The following FRYL variants were observed in gnomAD, a reference collection of about 807,000 sequenced individuals.
The protein encoded by FRYL is protein furry homolog-like.
FRYL carries 150 observed loss-of-function variants against 351.2 expected under a neutral mutation model. The observed-to-expected ratio is 0.43, with a 90% CI of 0.37 to 0.49. FRYL has a LOEUF of 0.49. FRYL is among the 20% of genes least tolerant of loss of function. The pLI, the probability that FRYL is intolerant of heterozygous loss-of-function variation, is 0.00. For synonymous variants in FRYL, 1,153 were observed against 1,257.1 expected, an observed-to-expected ratio of 0.92 and a Z score of 1.75; for missense variants, 3,036 against 3,619.3, an observed-to-expected ratio of 0.84 and a Z score of 4.13.
chr4:48,696,383 T>G (rs1766165139), intron 2 of FRYL, among the ~76,000 whole-genome samples: 1 of 152,168 alleles, frequency 6.6e-6, no homozygotes, highest in African/African-American at 2.4e-5. Flanking sequence ...TGTGGGGACA[T>G]GGATGAAGCT....
intron 47 of FRYL, among the ~76,000 whole-genome samples, chr4:48,538,307 C>T (rs1383016685): frequency 1.3e-4 from 2 of 15,086 alleles, no homozygotes; most frequent in African/African-American, 1.2e-4. Flanking sequence ...TTTTAAAATA[C>T]ATGCTTTTAG....
At position 48,534,410 on chromosome 4, in the gene FRYL, T is replaced by G; in HGVS notation, c.6705+135A>C. On this transcript the variant is annotated intron_variant, in intron 49 of 63. Coordinates refer to ENST00000358350, the MANE Select transcript of FRYL (RefSeq NM_015030.2). The stretch of plus-strand genomic sequence containing the variant: ...CTTACATTGAGAACATTTTCCATAC[T>G]GCAAATATCCTGAAAACACGATTTA... 4 of 688,970 alleles carry G rather than the reference T, an allele frequency of 5.8e-6. No homozygotes were observed. In the South Asian group the frequency reaches 7.4e-5, roughly 13 times the overall value. 42.7% of individuals were successfully genotyped at this position (688,970 alleles called of 1,614,324 possible). A position where few individuals can be genotyped will look rare whatever the true frequency, so the allele number is the denominator to read the frequency against.
intron 1 of FRYL, among the ~76,000 whole-genome samples, chr4:48,773,906 C>G (rs1376339456): frequency 6.6e-6 from 1 of 152,188 alleles, no homozygotes; most frequent in Non-Finnish European, 1.5e-5. Context: ...GCCTGGGAAA[C>G]AGAGTGAGAC....
intron 28 of FRYL, among the ~76,000 whole-genome samples, chr4:48,566,776 T>C (rs909164479): frequency 7.2e-5 from 11 of 152,244 alleles, no homozygotes; most frequent in African/African-American, 2.2e-4. Flanking sequence ...ATATTAATCT[T>C]CCTAGTATCT....
chr4:48,594,790 G>C (rs1352173030), intron 15 of FRYL, among the ~76,000 whole-genome samples: 1 of 152,164 alleles, frequency 6.6e-6, no homozygotes, highest in African/African-American at 2.4e-5. Flanking sequence ...ATGTTGACGA[G>C]ATAACCTTAC....
At chr4:48,671,791 T>G (rs1317852996) in intron 3 of FRYL, among the ~76,000 whole-genome samples, 1 of 139,782 alleles carries the variant, frequency 7.2e-6, no homozygotes, top group Non-Finnish European at 1.5e-5. Context: ...AGGCAGAGGT[T>G]GCAGTGAGCC....
At chr4:48,631,570 G>A (rs1319953316) in intron 4 of FRYL, among the ~76,000 whole-genome samples, 16 of 151,956 alleles carry the variant, frequency 1.1e-4, no homozygotes, top group Non-Finnish European at 8.8e-5. Flanking sequence ...CACAAGCAGT[G>A]CCACAGATAC....
intron 1 of FRYL, among the ~76,000 whole-genome samples, chr4:48,770,449 T>G (rs1378710798): frequency 1.3e-5 from 2 of 152,148 alleles, no homozygotes; most frequent in Non-Finnish European, 2.9e-5. Flanking sequence ...TATTTTTTAT[T>G]TTTTTGAGAC....
intron 1 of FRYL, among the ~76,000 whole-genome samples, chr4:48,768,822 C>T (rs536337159): frequency 1.3e-5 from 2 of 150,870 alleles, no homozygotes; most frequent in South Asian, 2.1e-4. Context: ...ATTCATAGAA[C>T]AAAAAAATTG....
chr4:48,595,973 C>A lies in FRYL; in HGVS notation c.1063G>T (p.Ala355Ser). Residue 355 changes from alanine to serine, a missense_variant, in exon 14 of 64, where the codon GCA (alanine) becomes TCA (serine). Physicochemically the swap from Ala to Ser is moderately conservative, Grantham distance 99. This residue lies in a region of FRYL where 457 missense variants were observed against 566.6 expected (regional missense o/e 0.81). Transcript: ENST00000358350. ...KNKDPKMSRVALESLYRLLWV... is the reference protein window; with the variant it reads ...KNKDPKMSRVSLESLYRLLWV... ...AATAATCTATACAAAGATTCCAGTGCAACTCGAGACATTTTCGGATCTTTA... is the reference window on the plus strand; with the variant it reads ...AATAATCTATACAAAGATTCCAGTGAAACTCGAGACATTTTCGGATCTTTA... 1 of 1,599,518 alleles carries A rather than the reference C, an allele frequency of 6.3e-7. No homozygotes were observed. The highest frequency in any genetic ancestry group is 8.5e-7 in the Non-Finnish European group (1 of 1,175,188).
At chr4:48,576,002 T>C (rs1739517575) in intron 24 of FRYL, 28 bp downstream of exon 24, 5 of 1,479,484 alleles carry the variant, frequency 3.4e-6, no homozygotes, top group South Asian at 2.8e-5. Context: ...AGATTTCATA[T>C]ATCCAACAGT....
chr4:48,745,671 G>A (rs1313270472), intron 1 of FRYL, among the ~76,000 whole-genome samples: 1 of 152,158 alleles, frequency 6.6e-6, no homozygotes, highest in Non-Finnish European at 1.5e-5. Flanking sequence ...GTTAATGGGT[G>A]CAGCACACCA....
chr4:48,574,848 A>AC (rs1739244256), intron 25 of FRYL, among the ~76,000 whole-genome samples: 5 of 152,206 alleles, frequency 3.3e-5, no homozygotes, highest in African/African-American at 1.2e-4. Context: ...AAATATTTAT[A>AC]TGGCATTTCA....
intron 3 of FRYL, among the ~76,000 whole-genome samples, chr4:48,676,997 A>C (rs1323035462): frequency 6.6e-6 from 1 of 152,246 alleles, no homozygotes; most frequent in African/African-American, 2.4e-5. Flanking sequence ...TTAGCCTGTT[A>C]GGAGCAGAAA....
intron 1 of FRYL, among the ~76,000 whole-genome samples, chr4:48,759,004 T>C (rs1560364655): frequency 6.6e-6 from 1 of 152,176 alleles, no homozygotes; most frequent in Non-Finnish European, 1.5e-5. Context: ...CACCGCATGT[T>C]CTCACACACA....
intron 2 of FRYL, among the ~76,000 whole-genome samples, chr4:48,689,887 C>CT (rs887933820): frequency 6.1e-5 from 9 of 147,312 alleles, no homozygotes; most frequent in African/African-American, 1.7e-4. Flanking sequence ...TTTTTAATTT[C>CT]TTTTTTTCTT....
intron 1 of FRYL, among the ~76,000 whole-genome samples, chr4:48,763,715 G>A (rs772854559): frequency 2.6e-4 from 39 of 152,052 alleles, no homozygotes; most frequent in Non-Finnish European, 4.0e-4. Context: ...AAGGTTTTCC[G>A]CTAAGATCAG....
intron 2 of FRYL, among the ~76,000 whole-genome samples, chr4:48,692,027 G>A (rs1323405535): frequency 6.6e-6 from 1 of 152,040 alleles, no homozygotes; most frequent in Non-Finnish European, 1.5e-5. Flanking sequence ...AGAAAATAAA[G>A]ACTAGAAACT....
At chr4:48,512,753 G>A (rs1722747543) in intron 56 of FRYL, 65 bp from the exon 57 acceptor site, 22 of 1,169,086 alleles carry the variant, frequency 1.9e-5, no homozygotes, top group South Asian at 1.0e-4. Flanking sequence ...GCTCAATCAC[G>A]TAAGACAGCT....
Sources: allele counts gnomAD v4.1 joint callset (sites outside exome capture counted in the v4.1 genomes callset), GRCh38; gene constraint gnomAD v4.1.1; regional missense constraint gnomAD v4.1.1; transcripts MANE v1.5; gene names NCBI Gene and HGNC (gene_info 2026-07-23, HGNC 2026-07-21).